The following PPP1R42 variants were observed in gnomAD, a reference collection of about 807,000 sequenced individuals.
The protein encoded by PPP1R42 is leucine rich repeat containing 67.
A neutral mutation model predicts 31.0 loss-of-function variants in PPP1R42; 34 were observed. The ratio of observed to expected loss-of-function variants is 1.10; its 90% CI spans 0.83 to 1.46. The LOEUF (loss-of-function observed/expected upper bound fraction) is 1.46, where lower values mean the gene tolerates loss of function less well. PPP1R42 is among the 40% of genes most tolerant of loss of function. PPP1R42 has a pLI of 0.00. For missense variants in PPP1R42, 268 were observed against 303.0 expected, an observed-to-expected ratio of 0.88 and a Z score of 0.86; for synonymous variants, 103 against 109.8, an observed-to-expected ratio of 0.94 and a Z score of 0.39.
intron 7 of PPP1R42, among the ~76,000 whole-genome samples, chr8:66,974,447 G>A (rs1372836212): frequency 6.6e-6 from 1 of 152,012 alleles, no homozygotes; most frequent in Non-Finnish European, 1.5e-5. Context: ...TCAGCTACTC[G>A]GGAGGCTGAG....
chr8:67,009,305 C>T (rs529119886), intron 5 of PPP1R42, among the ~76,000 whole-genome samples: 1 of 151,286 alleles, frequency 6.6e-6, no homozygotes, highest in South Asian at 2.1e-4. Flanking sequence ...CGGTGGCTCA[C>T]ACCTGTAATC....
chr8:66,998,582 C>G (rs1181749824), intron 5 of PPP1R42, among the ~76,000 whole-genome samples: 3 of 152,194 alleles, frequency 2.0e-5, no homozygotes, highest in African/African-American at 7.2e-5. Flanking sequence ...ACAGGTGCAA[C>G]TCTAAGGTTG....
chr8:67,010,255 G>A (rs748839965), intron 5 of PPP1R42, among the ~76,000 whole-genome samples: 1 of 152,176 alleles, frequency 6.6e-6, no homozygotes, highest in Non-Finnish European at 1.5e-5. Flanking sequence ...GGCATGATAT[G>A]ATATAACATG....
intron 5 of PPP1R42, among the ~76,000 whole-genome samples, chr8:66,992,157 G>C (rs745947223): frequency 6.6e-6 from 1 of 152,086 alleles, no homozygotes; most frequent in Non-Finnish European, 1.5e-5. Context: ...GTGATTCTAC[G>C]TTCTTGCATG....
chr8:66,969,131 T>G (rs557377726), intron 7 of PPP1R42, among the ~76,000 whole-genome samples: 3 of 152,336 alleles, frequency 2.0e-5, no homozygotes, highest in Admixed American at 6.5e-5. Context: ...GTACTCCTAG[T>G]GACTTGAGCT....
At chr8:66,997,007 G>C (rs181149877) in intron 5 of PPP1R42, among the ~76,000 whole-genome samples, 125 of 152,258 alleles carry the variant, frequency 8.2e-4, no homozygotes, top group Middle Eastern at 6.8e-3. Flanking sequence ...TAAAAAATTG[G>C]CTGGGTGTGG....
At chr8:67,007,683 A>C (rs529048229) in intron 5 of PPP1R42, among the ~76,000 whole-genome samples, 1 of 152,220 alleles carries the variant, frequency 6.6e-6, no homozygotes, top group East Asian at 1.9e-4. Context: ...TCATGATGAA[A>C]TCTTGCACTG....
chr8:67,026,080 A>G (rs912069093), intron 1 of PPP1R42, among the ~76,000 whole-genome samples: 1 of 151,804 alleles, frequency 6.6e-6, no homozygotes, highest in Non-Finnish European at 1.5e-5. Flanking sequence ...TCATGATTGT[A>G]ATCCCAGCAC....
At chr8:67,006,520 A>G (rs1350126078) in intron 5 of PPP1R42, among the ~76,000 whole-genome samples, 1 of 152,026 alleles carries the variant, frequency 6.6e-6, no homozygotes, top group Admixed American at 6.6e-5. Context: ...ACACGAAGCT[A>G]ATTGCTAATT....
Position 66,984,542 on chromosome 8 carries a change from T to C in PPP1R42, c.671-2362A>G, listed in dbSNP as rs1814943875. Reference sequence around the variant, plus strand: ...TTGGCTGGGGTGCTAAATTTCTAACTCCATCTCAATCTTGAACTTCTTGGC... The same window carrying C: ...TTGGCTGGGGTGCTAAATTTCTAACCCCATCTCAATCTTGAACTTCTTGGC... On this transcript the variant is annotated intron_variant, in intron 6 of 7. Coordinates refer to ENST00000685739, the MANE Select transcript of PPP1R42 (RefSeq NM_001364910.1). The C allele has an allele frequency of 5.6e-6, 7 of 1,240,894 alleles. No individual in the cohort carries two copies. The Admixed American group carries it at 6.8e-5, about 12-fold the overall frequency. The allele number at this position is 1,240,894 out of a possible 1,614,324, so 76.9% of individuals were successfully genotyped here.
chr8:66,965,229 A>G (rs1814346599), intron 7 of PPP1R42, among the ~76,000 whole-genome samples: 1 of 148,470 alleles, frequency 6.7e-6, no homozygotes, highest in Non-Finnish European at 1.5e-5. Flanking sequence ...GCGCCACTGC[A>G]CTCCAGCCTG....
chr8:67,001,270 C>T (rs1380034058), intron 5 of PPP1R42, among the ~76,000 whole-genome samples: 7 of 147,424 alleles, frequency 4.7e-5, no homozygotes, highest in Non-Finnish European at 7.4e-5. Flanking sequence ...AGGCTGCTCT[C>T]GAACTCCTGG....
intron 5 of PPP1R42, among the ~76,000 whole-genome samples, chr8:67,007,538 G>C (rs993799737): frequency 1.3e-5 from 2 of 152,076 alleles, no homozygotes; most frequent in Admixed American, 6.6e-5. Context: ...TATTGTATAA[G>C]GTTTCGCCAC....
In PPP1R42 at chr8:67,015,601, T is replaced by C. The variant is rs1815992422; in HGVS notation, c.130-1009A>G. On this transcript the variant is annotated intron_variant, in intron 2 of 7. Transcript: ENST00000685739. Reference sequence around the variant, plus strand: ...ATATGAAAAAGAACATCAATTACTTTTTTTTTTTTTTTTTTGAAACAGGGT... The same window carrying C: ...ATATGAAAAAGAACATCAATTACTTCTTTTTTTTTTTTTTTGAAACAGGGT... Among the ~76,000 whole-genome samples the C allele has an allele frequency of 2.0e-5, 3 of 149,460 alleles. No individual in the cohort carries two copies. In the South Asian group the frequency reaches 6.3e-4, roughly 31 times the overall value.
At chr8:66,967,921 A>G (rs1276105731) in intron 7 of PPP1R42, among the ~76,000 whole-genome samples, 2 of 152,122 alleles carry the variant, frequency 1.3e-5, no homozygotes, top group Non-Finnish European at 2.9e-5. Flanking sequence ...TGGATTTTAT[A>G]TGCAATATAT....
At chr8:66,985,190 C>T (rs772355772) in intron 6 of PPP1R42, 5 of 1,124,900 alleles carry the variant, frequency 4.4e-6, no homozygotes, top group Non-Finnish European at 6.8e-6. Flanking sequence ...TCCAGTTGAG[C>T]CTTTGTCCTT....
chr8:67,016,877 T>TAA (rs1816031923), intron 2 of PPP1R42, among the ~76,000 whole-genome samples: 1 of 152,176 alleles, frequency 6.6e-6, no homozygotes, highest in Non-Finnish European at 1.5e-5. Flanking sequence ...CCCTCACTGT[T>TAA]AAACTTTTGA....
At chr8:66,989,668 C>T (rs1815132951) in intron 5 of PPP1R42, among the ~76,000 whole-genome samples, 1 of 152,134 alleles carries the variant, frequency 6.6e-6, no homozygotes, top group South Asian at 2.1e-4. Flanking sequence ...AGTAATTTCA[C>T]TTTCTTTGGA....
At chr8:66,985,212 A>G in intron 6 of PPP1R42, 4 of 1,126,494 alleles carry the variant, frequency 3.6e-6, no homozygotes, top group Non-Finnish European at 5.4e-6. Context: ...ATCGCTGAGC[A>G]GTCTTCTCAA....
Sources: gnomAD v4.1 joint callset for allele counts (sites outside exome capture counted in the v4.1 genomes callset) on GRCh38, gnomAD v4.1.1 for gene constraint, MANE v1.5 for transcripts, NCBI Gene and HGNC (gene_info 2026-07-23, HGNC 2026-07-21) for gene names.